Variants in PABPC4L observed in about 807,000 individuals in gnomAD.
The protein encoded by PABPC4L is poly(A) binding protein cytoplasmic 4 like, also known as polyadenylate-binding protein 4-like.
For synonymous variants in PABPC4L, 169 were observed against 164.1 expected (o/e 1.03, Z -0.23); for missense variants, 452 against 451.4 (o/e 1.00, Z -0.01).
At chr4:134,147,311 C>T in the PABPC4L span, among the ~76,000 whole-genome samples, 2 of 152,054 alleles carry the variant, frequency 1.3e-5, no homozygotes, top group South Asian at 2.1e-4. Flanking sequence ...AATATTCTCC[C>T]TTGAGTCTTA....
the PABPC4L span, among the ~76,000 whole-genome samples, chr4:134,166,933 C>A: frequency 6.6e-6 from 1 of 152,132 alleles, no homozygotes; most frequent in Non-Finnish European, 1.5e-5. Context: ...TTGCTTCAAG[C>A]ACCCTTCAAT....
At chr4:134,002,499 G>T in the PABPC4L span, among the ~76,000 whole-genome samples, 1 of 151,880 alleles carries the variant, frequency 6.6e-6, no homozygotes, top group Non-Finnish European at 1.5e-5. Context: ...TAACTTAACT[G>T]AAAATAGGCT....
chr4:134,143,218 A>G, the PABPC4L span, among the ~76,000 whole-genome samples: 1 of 150,876 alleles, frequency 6.6e-6, no homozygotes, highest in East Asian at 1.9e-4. Flanking sequence ...GTATTGATAC[A>G]TTGTAGATAT....
chr4:134,024,151 GT>G, the PABPC4L span, among the ~76,000 whole-genome samples: 2 of 151,972 alleles, frequency 1.3e-5, no homozygotes, highest in Admixed American at 6.6e-5. Context: ...GTTTCTCCAG[GT>G]GCATTTTTCA....
the PABPC4L span, among the ~76,000 whole-genome samples, chr4:134,167,065 T>C: frequency 1.1e-4 from 16 of 152,092 alleles, no homozygotes; most frequent in Non-Finnish European, 1.9e-4. Flanking sequence ...AGTAATCCAA[T>C]TGAATGAGAG....
At chr4:134,089,475 G>A in the PABPC4L span, among the ~76,000 whole-genome samples, 3 of 151,974 alleles carry the variant, frequency 2.0e-5, no homozygotes, top group Non-Finnish European at 4.4e-5. Flanking sequence ...GACAAATAAT[G>A]ACACTTAGCT....
the PABPC4L span, among the ~76,000 whole-genome samples, chr4:133,976,234 C>A: frequency 1.3e-5 from 2 of 152,148 alleles, no homozygotes; most frequent in East Asian, 3.9e-4. Context: ...CTGTTAGTTT[C>A]CTGAGGATAA....
At chr4:133,993,617 G>T in the PABPC4L span, among the ~76,000 whole-genome samples, 1 of 152,162 alleles carries the variant, frequency 6.6e-6, no homozygotes, top group African/African-American at 2.4e-5. Flanking sequence ...TGAAGGAGGG[G>T]ACATACCTAT....
chr4:134,184,309 T>C, the PABPC4L span, among the ~76,000 whole-genome samples: 1 of 151,998 alleles, frequency 6.6e-6, no homozygotes, highest in Non-Finnish European at 1.5e-5. Context: ...CACACCACTC[T>C]GACATTTCAT....
the PABPC4L span, among the ~76,000 whole-genome samples, chr4:133,991,635 T>C: frequency 2.0e-5 from 3 of 152,284 alleles, no homozygotes; most frequent in South Asian, 2.1e-4. Context: ...GTTGCCAAGA[T>C]GACTATGGCT....
chr4:134,049,795 A>G, the PABPC4L span, among the ~76,000 whole-genome samples: 1 of 152,194 alleles, frequency 6.6e-6, no homozygotes, highest in Admixed American at 6.5e-5. Flanking sequence ...ATGCTGTCCC[A>G]TATCAGGATT....
At chr4:134,175,821 C>T in the PABPC4L span, among the ~76,000 whole-genome samples, 1 of 152,066 alleles carries the variant, frequency 6.6e-6, no homozygotes, top group Non-Finnish European at 1.5e-5. Context: ...GGAGACTAAT[C>T]CTAGGCTGCA....
the PABPC4L span, among the ~76,000 whole-genome samples, chr4:134,104,638 C>A: frequency 1.3e-5 from 2 of 151,662 alleles, no homozygotes; most frequent in Non-Finnish European, 2.9e-5. Context: ...AATATGGTGC[C>A]TCTTCCAAAT....
the PABPC4L span, among the ~76,000 whole-genome samples, chr4:133,964,343 A>AC: frequency 6.6e-6 from 1 of 151,888 alleles, no homozygotes; most frequent in Non-Finnish European, 1.5e-5. Context: ...TTACCAAAAA[A>AC]AAAATAGTCC....
At chr4:134,057,535 C>T in the PABPC4L span, among the ~76,000 whole-genome samples, 1 of 152,046 alleles carries the variant, frequency 6.6e-6, no homozygotes, top group Non-Finnish European at 1.5e-5. Flanking sequence ...ACATGATCTC[C>T]ATTGGCACAA....
At chr4:134,069,911 A>G in the PABPC4L span, among the ~76,000 whole-genome samples, 1 of 150,658 alleles carries the variant, frequency 6.6e-6, no homozygotes, top group Non-Finnish European at 1.5e-5. Flanking sequence ...TTGAGTGGCC[A>G]GAGTTCTAGC....
the PABPC4L span, among the ~76,000 whole-genome samples, chr4:134,009,316 C>T: frequency 6.6e-6 from 1 of 151,906 alleles, no homozygotes; most frequent in Non-Finnish European, 1.5e-5. Context: ...ATTTGAACAT[C>T]TTTCATAATA....
At chr4:133,950,781 C>T in the PABPC4L span, among the ~76,000 whole-genome samples, 1 of 152,204 alleles carries the variant, frequency 6.6e-6, no homozygotes, top group Non-Finnish European at 1.5e-5. Context: ...CTACAACCTC[C>T]ATAGTGTTCC....
chr4:134,197,444 A>G lies in PABPC4L; in HGVS notation c.*2463T>C, dbSNP rs1300089218. The G allele has an allele frequency of 6.6e-6, 1 of 151,738 alleles. No individual in the cohort carries two copies. The highest frequency in any genetic ancestry group is 1.9e-4 in the East Asian group (1 of 5,188). The allele number at this position is 151,738 out of a possible 1,614,324, so 9.4% of individuals were successfully genotyped here. ...AATATATGTATTTAAAGTGTTCAAAATATTTTGAAGCATGACATCAAAGCC... is the reference window on the plus strand; with the variant it reads ...AATATATGTATTTAAAGTGTTCAAAGTATTTTGAAGCATGACATCAAAGCC... On this transcript the variant is annotated 3_prime_UTR_variant, in exon 2 of 2. Coordinates refer to ENST00000421491, the MANE Select transcript of PABPC4L (RefSeq NM_001114734.2).
Sources: allele counts gnomAD v4.1 joint callset (sites outside exome capture counted in the v4.1 genomes callset), GRCh38; gene constraint gnomAD v4.1.1; transcripts MANE v1.5; gene names NCBI Gene and HGNC (gene_info 2026-07-23, HGNC 2026-07-21).